PPP2R1B: variants seen among roughly 807,000 people sequenced by gnomAD.
PPP2R1B encodes serine/threonine-protein phosphatase 2A 65 kDa regulatory subunit A beta isoform.
Under a neutral mutation model 72.7 loss-of-function variants are expected in PPP2R1B, and 58 were observed. The ratio of observed to expected loss-of-function variants is 0.80; its 90% CI spans 0.65 to 0.99. The LOEUF is 0.99. Ranked by LOEUF, PPP2R1B falls within the 50% of genes least tolerant of loss-of-function variation. The pLI is 0.00. For missense variants in PPP2R1B, 695 were observed against 733.6 expected, an observed-to-expected ratio of 0.95 and a Z score of 0.61; for synonymous variants, 256 against 264.6, an observed-to-expected ratio of 0.97 and a Z score of 0.32.
the PPP2R1B span, among the ~76,000 whole-genome samples, chr11:111,708,903 C>T: frequency 1.3e-5 from 2 of 152,160 alleles, no homozygotes; most frequent in Non-Finnish European, 2.9e-5. Context: ...AGCCACCACA[C>T]CTGGCCTAAC....
the PPP2R1B span, among the ~76,000 whole-genome samples, chr11:111,709,953 GT>G: frequency 2.6e-5 from 4 of 152,220 alleles, no homozygotes; most frequent in Non-Finnish European, 5.9e-5. Context: ...GGACGGAGCA[GT>G]GTGTCGTAGT....
the PPP2R1B span, among the ~76,000 whole-genome samples, chr11:111,708,395 TA>T: frequency 6.6e-6 from 1 of 150,858 alleles, no homozygotes; most frequent in African/African-American, 2.4e-5. Context: ...AAGTAAAACA[TA>T]AAAAAAAATA....
chr11:111,737,503 C>G (rs961878356), downstream of PPP2R1B: 3 of 1,614,112 alleles, frequency 1.9e-6, no homozygotes, highest in African/African-American at 4.0e-5. Context: ...CTTGTCAGCC[C>G]GAGGGACACT....
chr11:111,716,299 C>T, the PPP2R1B span, among the ~76,000 whole-genome samples: 5 of 152,212 alleles, frequency 3.3e-5, no homozygotes, highest in African/African-American at 1.2e-4. Context: ...GGATATACAT[C>T]TGGCCAGGTG....
rs1944994438 is a variant in PPP2R1B at position 111,753,575 on chromosome 11, T to C, written c.1032A>G (p.Glu344=). 2 of 1,598,448 alleles carry C rather than the reference T, an allele frequency of 1.3e-6. No homozygotes were observed. Among genetic ancestry groups the C allele is most frequent in the South Asian group, 2.3e-5 (2 of 87,626 alleles). Residue 344 remains glutamate, a splice_region_variant and synonymous_variant, in exon 9 of 15, where the codon GAA becomes GAG. Coordinates refer to ENST00000527614, the MANE Select transcript of PPP2R1B (RefSeq NM_002716.5). The part of the protein sequence containing the change: ...IMNQILPYIK[E]LVSDTNQHVK... ...CATGTTGATTGGTATCGGATACTAATTCCTAAAATAAAATCGAAATTAAAA... is the reference window on the plus strand; with the variant it reads ...CATGTTGATTGGTATCGGATACTAACTCCTAAAATAAAATCGAAATTAAAA...
At chr11:111,736,279 GCA>G (rs1191535322), downstream of PPP2R1B, among the ~76,000 whole-genome samples, 23 of 152,190 alleles carry the variant, frequency 1.5e-4, no homozygotes, top group Non-Finnish European at 3.1e-4. Flanking sequence ...TCAGAGCTGA[GCA>G]GGTCAGCCAT....
chr11:111,721,065 G>A, the PPP2R1B span: 6 of 1,610,880 alleles, frequency 3.7e-6, no homozygotes, highest in South Asian at 3.3e-5. Context: ...GCCCTCAGGT[G>A]GGTACCTTGG....
chr11:111,737,961 T>G lies in PPP2R1B; in HGVS notation c.*3635A>C. On this transcript the variant is annotated 3_prime_UTR_variant, in exon 15 of 15. Coordinates refer to ENST00000527614, the MANE Select transcript of PPP2R1B (RefSeq NM_002716.5). ...CGACGCAATGAGTAATTAAACTCTA[T>G]TCGTCCTCCGGAAGATTTCCATCCC... 1 of 1,021,946 alleles carries G rather than the reference T, an allele frequency of 9.8e-7. No individual in the cohort carries two copies. The allele number at this position is 1,021,946 out of a possible 1,614,324, so 63.3% of individuals were successfully genotyped here. A position where few individuals can be genotyped will look rare whatever the true frequency, so the allele number is the denominator to read the frequency against.
chr11:111,719,300 T>G, the PPP2R1B span, among the ~76,000 whole-genome samples: 2 of 151,362 alleles, frequency 1.3e-5, no homozygotes, highest in African/African-American at 4.9e-5. Context: ...AAAGTCTTTC[T>G]AAAACCTTCC....
intron 10 of PPP2R1B, among the ~76,000 whole-genome samples, chr11:111,748,689 C>A (rs1944792079): frequency 6.6e-6 from 1 of 152,178 alleles, no homozygotes; most frequent in Non-Finnish European, 1.5e-5. Flanking sequence ...ATGGAGAATG[C>A]TGTGACACAC....
At chr11:111,758,520 G>T (rs962188815) in intron 5 of PPP2R1B, among the ~76,000 whole-genome samples, 5 of 152,104 alleles carry the variant, frequency 3.3e-5, no homozygotes, top group African/African-American at 1.2e-4. Context: ...AACCCGGGAG[G>T]CAGAGGTTGC....
chr11:111,761,102 T>G (rs782389818), intron 3 of PPP2R1B, 51 bp from the exon 4 acceptor site: 1 of 1,448,382 alleles, frequency 6.9e-7, no homozygotes, highest in Non-Finnish European at 9.6e-7. Flanking sequence ...TGAATCAGGT[T>G]AGAAACAGAT....
the PPP2R1B span, among the ~76,000 whole-genome samples, chr11:111,699,914 C>T: frequency 1.3e-5 from 2 of 152,234 alleles, no homozygotes; most frequent in African/African-American, 4.8e-5. Flanking sequence ...TCTCTTAAAG[C>T]TCACTGTGCA....
Position 111,742,536 on chromosome 11 carries a change from T to A in PPP2R1B, c.1684A>T (p.Ile562Phe). Residue 562 changes from isoleucine (I) to phenylalanine (F), a missense_variant, in exon 13 of 15, where the codon ATT (isoleucine) becomes TTT (phenylalanine). By Grantham distance (21) the Ile-to-Phe change is conservative. Coordinates refer to ENST00000527614, the MANE Select transcript of PPP2R1B (RefSeq NM_002716.5). ...VAKSLQKIGPILDTNALQGEV... is the reference protein window; with the variant it reads ...VAKSLQKIGPFLDTNALQGEV... Reference sequence around the variant, plus strand: ...CTAAAATCTTACTTGGTATCTAGAATTGGTCCAATCTTTTGTAGAGATTTG... The same window carrying A: ...CTAAAATCTTACTTGGTATCTAGAAATGGTCCAATCTTTTGTAGAGATTTG... 1 of 1,613,434 alleles carries A rather than the reference T, an allele frequency of 6.2e-7. No homozygotes were observed. Among genetic ancestry groups the A allele is most frequent in the Non-Finnish European group, 8.5e-7 (1 of 1,179,810 alleles).
At chr11:111,730,902 C>T (rs898908518) in intron 15 of PPP2R1B, 2 of 152,152 alleles carry the variant, frequency 1.3e-5, no homozygotes, top group African/African-American at 4.8e-5. Flanking sequence ...GTTTTTGCCT[C>T]ATCGGGCCTT....
rs45523436 is a variant in PPP2R1B, at chr11:111,738,579, G to C, written c.*3017C>G. 8.3e-3 allele frequency: 8,151 copies of C among 985,500 alleles called. 37 individuals carry two copies. The highest frequency in any genetic ancestry group is 9.3e-3 in the Non-Finnish European group (7,684 of 829,960). 61.0% of individuals were successfully genotyped at this position (985,500 alleles called of 1,614,324 possible). ...TCAGGCTGCCGTCTCTGTTGAGTCA[G>C]GACAAGTTGTCTGGCAAAGACCCCT... is the stretch of plus-strand genomic sequence containing the variant. On this transcript the variant is annotated 3_prime_UTR_variant, in exon 15 of 15. Transcript: ENST00000527614.
chr11:111,733,757 A>G (rs565592453), downstream of PPP2R1B, among the ~76,000 whole-genome samples: 50 of 152,300 alleles, frequency 3.3e-4, no homozygotes, highest in Middle Eastern at 3.4e-3. Flanking sequence ...TCCAGTCGCT[A>G]CAGAGCCCAA....
downstream of PPP2R1B, among the ~76,000 whole-genome samples, chr11:111,733,150 G>A (rs1944244161): frequency 1.3e-5 from 2 of 152,204 alleles, no homozygotes; most frequent in African/African-American, 4.8e-5. Context: ...GAGCTTGCCA[G>A]GCGCCTCGGC....
At chr11:111,712,693 TTTG>T in the PPP2R1B span, among the ~76,000 whole-genome samples, 4 of 152,348 alleles carry the variant, frequency 2.6e-5, no homozygotes, top group East Asian at 7.7e-4. Flanking sequence ...TGTTTGTTTG[TTTG>T]TTTTTTCCCT....
Sources: allele counts gnomAD v4.1 joint callset (sites outside exome capture counted in the v4.1 genomes callset), GRCh38; gene constraint gnomAD v4.1.1; transcripts MANE v1.5; gene names NCBI Gene and HGNC (gene_info 2026-07-23, HGNC 2026-07-21).